SGCD: variants seen among roughly 807,000 people sequenced by gnomAD.
SGCD encodes sarcoglycan delta, also known as delta-sarcoglycan.
In SGCD, 18 loss-of-function variants were observed where a neutral mutation model predicts 36.6. That is an observed-to-expected ratio of 0.49 (90% confidence interval 0.34 to 0.73). The LOEUF (loss-of-function observed/expected upper bound fraction) is 0.73. Ranked by LOEUF, SGCD falls within the 30% of genes least tolerant of loss-of-function variation. The pLI, the probability that SGCD is intolerant of heterozygous loss-of-function variation, is 0.01. For missense variants in SGCD, 387 were observed against 346.7 expected, an observed-to-expected ratio of 1.12 and a Z score of -0.92; for synonymous variants, 133 against 130.6, an observed-to-expected ratio of 1.02 and a Z score of -0.12.
chr5:156,455,224 T>C (rs936125738), intron 3 of SGCD, among the ~76,000 whole-genome samples: 15 of 152,324 alleles, frequency 9.8e-5, no homozygotes, highest in Admixed American at 7.8e-4. Context: ...AAAGCTGCCC[T>C]GCCCACACCA....
the SGCD span, among the ~76,000 whole-genome samples, chr5:155,849,146 C>T: frequency 1.3e-5 from 2 of 152,218 alleles, no homozygotes; most frequent in South Asian, 4.1e-4. Context: ...AAGTTCTGCA[C>T]ATTTAATTAA....
the SGCD span, among the ~76,000 whole-genome samples, chr5:155,791,742 C>T: frequency 6.6e-6 from 1 of 152,098 alleles, no homozygotes; most frequent in African/African-American, 2.4e-5. Flanking sequence ...CAAAACACTA[C>T]TGAAGTAAAT....
At chr5:156,276,125 C>T (rs1219500685) in intron 3 of SGCD, among the ~76,000 whole-genome samples, 1 of 152,124 alleles carries the variant, frequency 6.6e-6, no homozygotes, top group Non-Finnish European at 1.5e-5. Flanking sequence ...GACACCCACT[C>T]CACTCTACAG....
chr5:156,309,028 C>T (rs1767315030), intron 3 of SGCD, among the ~76,000 whole-genome samples: 1 of 152,050 alleles, frequency 6.6e-6, no homozygotes, highest in African/African-American at 2.4e-5. Flanking sequence ...TATTGAGAAT[C>T]CCTTGTATGT....
intron 3 of SGCD, among the ~76,000 whole-genome samples, chr5:156,272,167 C>G (rs879266003): frequency 1.3e-5 from 2 of 152,140 alleles, no homozygotes; most frequent in African/African-American, 4.8e-5. Flanking sequence ...TTACACCCTT[C>G]TCAATCTTCC....
At chr5:155,809,162 C>T in the SGCD span, among the ~76,000 whole-genome samples, 1 of 152,172 alleles carries the variant, frequency 6.6e-6, no homozygotes, top group African/African-American at 2.4e-5. Flanking sequence ...TGGAGAAGAC[C>T]AGGCACAGTG....
intron 4 of SGCD, among the ~76,000 whole-genome samples, chr5:156,535,837 G>A (rs1758082876): frequency 1.3e-5 from 2 of 151,978 alleles, no homozygotes; most frequent in African/African-American, 4.8e-5. Flanking sequence ...GTATAATTTG[G>A]GAAATAAGCC....
the SGCD span, among the ~76,000 whole-genome samples, chr5:155,793,122 AG>A: frequency 6.6e-6 from 1 of 152,250 alleles, no homozygotes; most frequent in Non-Finnish European, 1.5e-5. Flanking sequence ...ATGCAGCTGG[AG>A]GCCATTATCC....
chr5:156,086,246 T>C (rs1241721100), intron 1 of SGCD, among the ~76,000 whole-genome samples: 1 of 152,234 alleles, frequency 6.6e-6, no homozygotes, highest in Non-Finnish European at 1.5e-5. Flanking sequence ...AAAAGGATAG[T>C]CTACTGTCTG....
rs948137510 is a variant in SGCD at position 156,061,175 on chromosome 5, T to A, written c.-281-56703T>A. On this transcript the variant is annotated intron_variant, in intron 1 of 9. Transcript: ENST00000517913. ...TAACCCCTGTAAAAATTGCAACTATTTTTTTTTTTTGCTAAAATTTTTCAG... is the reference window on the plus strand; with the variant it reads ...TAACCCCTGTAAAAATTGCAACTATATTTTTTTTTTGCTAAAATTTTTCAG... 8.1e-5 allele frequency among the ~76,000 whole-genome samples: 10 copies of A among 123,214 alleles called. 1 individual carries two copies. Among genetic ancestry groups the A allele is most frequent in the African/African-American group, 4.4e-4 (10 of 22,830 alleles). 80.8% of individuals were successfully genotyped at this position (123,214 alleles called of 152,430 possible). A position where few individuals can be genotyped will look rare whatever the true frequency, so the allele number is the denominator to read the frequency against.
rs73810384 is a variant in SGCD at position 155,992,896 on chromosome 5, T to C, written c.-282+122472T>C. On this transcript the variant is annotated intron_variant, in intron 1 of 9. Coordinates refer to the SGCD transcript ENST00000517913. ...GATGCTAAAGGGACTGCTCCTTCTA[T>C]GGTTAGCAAACATAGTGCCTCTTCC... 6.2e-3 allele frequency among the ~76,000 whole-genome samples: 948 copies of C among 152,344 alleles called. 12 individuals are homozygous for C. The highest frequency in any genetic ancestry group is 0.022 in the African/African-American group (898 of 41,582).
intron 3 of SGCD, among the ~76,000 whole-genome samples, chr5:156,404,548 C>T (rs893735939): frequency 1.3e-5 from 2 of 152,152 alleles, no homozygotes; most frequent in Admixed American, 1.3e-4. Flanking sequence ...TGTCTTATTT[C>T]TTCCCTCCTA....
chr5:156,509,545 T>G (rs1478466095), intron 4 of SGCD, among the ~76,000 whole-genome samples: 1 of 152,234 alleles, frequency 6.6e-6, no homozygotes, highest in Non-Finnish European at 1.5e-5. Flanking sequence ...ATTATCTAAT[T>G]TAGTTCACAG....
chr5:156,356,462 G>A (rs1014958172), intron 3 of SGCD, among the ~76,000 whole-genome samples: 9 of 152,156 alleles, frequency 5.9e-5, no homozygotes, highest in African/African-American at 2.2e-4. Flanking sequence ...TAGAATATAT[G>A]TTCCATTTAA....
At chr5:156,446,438 A>AG (rs1753758841) in intron 3 of SGCD, among the ~76,000 whole-genome samples, 1 of 152,116 alleles carries the variant, frequency 6.6e-6, no homozygotes, top group South Asian at 2.1e-4. Context: ...GAACTGGACT[A>AG]GGATATTATT....
chr5:155,859,820 G>T, the SGCD span, among the ~76,000 whole-genome samples: 67 of 152,264 alleles, frequency 4.4e-4, no homozygotes, highest in Admixed American at 1.2e-3. Context: ...CATGGCTGTG[G>T]CCTTAAAAAT....
At chr5:156,336,870 A>G (rs1456548961) in intron 2 of SGCD, among the ~76,000 whole-genome samples, 2 of 152,230 alleles carry the variant, frequency 1.3e-5, no homozygotes, top group Non-Finnish European at 2.9e-5. Flanking sequence ...TACATATTTT[A>G]GCTAAGAATT....
intron 3 of SGCD, among the ~76,000 whole-genome samples, chr5:156,156,287 A>C (rs1488237271): frequency 6.6e-6 from 1 of 151,504 alleles, no homozygotes; most frequent in African/African-American, 2.4e-5. Flanking sequence ...GTCGTTGTTC[A>C]TTTCTCATAT....
At chr5:156,274,201 G>A (rs1766256758) in intron 3 of SGCD, among the ~76,000 whole-genome samples, 1 of 151,734 alleles carries the variant, frequency 6.6e-6, no homozygotes, top group African/African-American at 2.4e-5. Flanking sequence ...AAAATTTCAG[G>A]GGACACTAAA....
Sources: allele counts gnomAD v4.1 joint callset (sites outside exome capture counted in the v4.1 genomes callset), GRCh38; gene constraint gnomAD v4.1.1; transcripts MANE v1.5; gene names NCBI Gene and HGNC (gene_info 2026-07-23, HGNC 2026-07-21).